Variants in SNTG1 observed in about 807,000 individuals in gnomAD.
SNTG1 encodes syntrophin gamma 1, also known as gamma-1-syntrophin.
In SNTG1, 39 loss-of-function variants were observed where a neutral mutation model predicts 74.7. That is an observed-to-expected ratio of 0.52 (90% CI 0.40 to 0.68). The LOEUF (loss-of-function observed/expected upper bound fraction) is 0.68, where lower values mean the gene tolerates loss of function less well. SNTG1 is among the 30% of genes least tolerant of loss of function. SNTG1 has a pLI of 0.00. For synonymous variants in SNTG1, 254 were observed against 217.1 expected (o/e 1.17, Z -1.49); for missense variants, 685 against 609.5 (o/e 1.12, Z -1.30).
At chr8:50,590,972 A>G in intron 13 of SNTG1, 55 bp downstream of exon 13, 1 of 1,256,662 alleles carries the variant, frequency 8.0e-7, no homozygotes, top group Non-Finnish European at 1.1e-6. Flanking sequence ...AATTTTATTG[A>G]TTATAGAAGA....
At chr8:50,317,298 T>A (rs2090351951) in intron 2 of SNTG1, among the ~76,000 whole-genome samples, 1 of 152,172 alleles carries the variant, frequency 6.6e-6, no homozygotes, top group Non-Finnish European at 1.5e-5. Context: ...TCCAGAACAA[T>A]ACTGATTATA....
In SNTG1 at chr8:50,188,619, T is replaced by C. The variant is rs555997017; in HGVS notation, c.-28+15984T>C. 8.5e-5 allele frequency among the ~76,000 whole-genome samples: 13 copies of C among 152,218 alleles called. 1 individual carries two copies. The highest frequency in any genetic ancestry group is 2.9e-4 in the African/African-American group (12 of 41,532). Reference sequence around the variant, plus strand: ...CATTTGGGACACCTCTTCATGTAACTTTCCTATTCCTTCAAGGTGTGCCTG... The same window carrying C: ...CATTTGGGACACCTCTTCATGTAACCTTCCTATTCCTTCAAGGTGTGCCTG... On this transcript the variant is annotated intron_variant, in intron 2 of 18. Coordinates refer to ENST00000642720, the MANE Select transcript of SNTG1 (RefSeq NM_018967.5).
intron 1 of SNTG1, among the ~76,000 whole-genome samples, chr8:50,024,670 A>C (rs1378516224): frequency 6.6e-6 from 1 of 152,180 alleles, no homozygotes; most frequent in African/African-American, 2.4e-5. Context: ...GCACAGTCAG[A>C]GATTAACAAT....
At chr8:50,484,242 T>G (rs1008503933) in intron 8 of SNTG1, among the ~76,000 whole-genome samples, 1 of 149,072 alleles carries the variant, frequency 6.7e-6, no homozygotes, top group African/African-American at 2.5e-5. Context: ...TTTATGGAGT[T>G]TCCACTCTTG....
intron 1 of SNTG1, among the ~76,000 whole-genome samples, chr8:49,929,613 A>G (rs997872872): frequency 6.6e-6 from 1 of 152,180 alleles, no homozygotes; most frequent in African/African-American, 2.4e-5. Context: ...CTGCTGGGTG[A>G]CAGGTGTCAG....
At chr8:50,730,629 A>G (rs1464701991) in intron 17 of SNTG1, among the ~76,000 whole-genome samples, 1 of 152,226 alleles carries the variant, frequency 6.6e-6, no homozygotes, top group Non-Finnish European at 1.5e-5. Flanking sequence ...CATTATAGAC[A>G]TTCATAAGGA....
intron 13 of SNTG1, among the ~76,000 whole-genome samples, chr8:50,616,681 A>T (rs79166488): frequency 0.014 from 2,153 of 152,248 alleles, 52 homozygotes; most frequent in African/African-American, 0.05. Flanking sequence ...AATCAACAAG[A>T]TGTCACCAGT....
chr8:50,015,429 T>C (rs186266841), intron 1 of SNTG1, among the ~76,000 whole-genome samples: 10 of 151,992 alleles, frequency 6.6e-5, no homozygotes, highest in African/African-American at 2.2e-4. Flanking sequence ...AATAGGTGTA[T>C]ACAGACATTC....
chr8:50,417,305 T>C (rs2093026937), intron 4 of SNTG1, among the ~76,000 whole-genome samples: 1 of 152,158 alleles, frequency 6.6e-6, no homozygotes, highest in Non-Finnish European at 1.5e-5. Context: ...TATCTTACTC[T>C]GTAGACTGTA....
intron 13 of SNTG1, among the ~76,000 whole-genome samples, chr8:50,647,730 T>C (rs1402032306): frequency 3.9e-5 from 6 of 152,220 alleles, no homozygotes; most frequent in East Asian, 1.9e-4. Context: ...GTGATAATGA[T>C]ACATTTAATT....
intron 1 of SNTG1, among the ~76,000 whole-genome samples, chr8:49,996,552 A>G (rs147155975): frequency 5.3e-5 from 8 of 152,268 alleles, no homozygotes; most frequent in African/African-American, 1.4e-4. Flanking sequence ...AGCTTAAAAT[A>G]CAGAATATAC....
At chr8:50,501,590 G>A (rs13259199) in intron 8 of SNTG1, among the ~76,000 whole-genome samples, 49 of 149,052 alleles carry the variant, frequency 3.3e-4, no homozygotes, top group African/African-American at 1.2e-3. Flanking sequence ...CGCCTGCCAC[G>A]AAGACCGGTT....
intron 1 of SNTG1, among the ~76,000 whole-genome samples, chr8:50,030,171 CT>C (rs1402458911): frequency 1.3e-5 from 2 of 152,090 alleles, no homozygotes; most frequent in Non-Finnish European, 2.9e-5. Context: ...CTATTCACAT[CT>C]TTTGCCCAAT....
intron 18 of SNTG1, among the ~76,000 whole-genome samples, chr8:50,772,633 A>C (rs1563824492): frequency 6.6e-6 from 1 of 152,058 alleles, no homozygotes; most frequent in South Asian, 2.1e-4. Context: ...GAAGAACATG[A>C]GTTTTATGGG....
intron 1 of SNTG1, among the ~76,000 whole-genome samples, chr8:50,039,753 C>T (rs181133239): frequency 1.3e-5 from 2 of 152,116 alleles, no homozygotes; most frequent in African/African-American, 2.4e-5. Flanking sequence ...TGTATGCTTT[C>T]GTTTTATTTC....
intron 13 of SNTG1, among the ~76,000 whole-genome samples, chr8:50,623,637 T>C (rs1461213059): frequency 3.3e-5 from 5 of 152,084 alleles, no homozygotes; most frequent in African/African-American, 9.6e-5. Context: ...ACATAAAATA[T>C]ATCATGACTT....
intron 1 of SNTG1, among the ~76,000 whole-genome samples, chr8:49,925,336 A>G (rs1021668696): frequency 6.6e-6 from 1 of 152,202 alleles, no homozygotes; most frequent in Non-Finnish European, 1.5e-5. Context: ...CATAATTGTA[A>G]TACAATACCC....
chr8:50,669,006 T>C (rs2095264675), intron 15 of SNTG1, among the ~76,000 whole-genome samples: 1 of 151,928 alleles, frequency 6.6e-6, no homozygotes, highest in Non-Finnish European at 1.5e-5. Flanking sequence ...AGTAATAAGA[T>C]TTAAAAGAAT....
At chr8:50,393,116 T>G (rs946161519) in intron 2 of SNTG1, among the ~76,000 whole-genome samples, 4 of 152,126 alleles carry the variant, frequency 2.6e-5, no homozygotes, top group African/African-American at 9.7e-5. Context: ...AAAATTTCAT[T>G]AATATTAATG....
Sources: gnomAD v4.1 joint callset for allele counts (sites outside exome capture counted in the v4.1 genomes callset) on GRCh38, gnomAD v4.1.1 for gene constraint, MANE v1.5 for transcripts, NCBI Gene and HGNC (gene_info 2026-07-23, HGNC 2026-07-21) for gene names.